The following FARP1 variants were observed in gnomAD, a reference collection of about 807,000 sequenced individuals.
FARP1 encodes FERM, ARH/RhoGEF and pleckstrin domain protein 1, also known as FERM, ARHGEF and pleckstrin domain-containing protein 1.
In FARP1, 52 loss-of-function variants were observed where a neutral mutation model predicts 128.8. The observed-to-expected ratio is 0.40, with a 90% CI of 0.32 to 0.51. The LOEUF is 0.51. Ranked by LOEUF, FARP1 falls within the 20% of genes least tolerant of loss-of-function variation. The pLI, the probability that FARP1 is intolerant of heterozygous loss-of-function variation, is 0.45. For synonymous variants in FARP1, 580 were observed against 551.8 expected, an observed-to-expected ratio of 1.05 and a Z score of -0.72; for missense variants, 1,333 against 1,367.9, an observed-to-expected ratio of 0.97 and a Z score of 0.40.
At chr13:98,259,296 ACT>A (rs754631251) in intron 2 of FARP1, among the ~76,000 whole-genome samples, 34 of 149,146 alleles carry the variant, frequency 2.3e-4, no homozygotes, top group Admixed American at 1.5e-3. Context: ...TATATATAAT[ACT>A]CTCTATATAG....
intron 5 of FARP1, among the ~76,000 whole-genome samples, chr13:98,368,812 C>G (rs576770559): frequency 6.6e-6 from 1 of 152,268 alleles, no homozygotes; most frequent in South Asian, 2.1e-4. Context: ...TAAATGGTAA[C>G]TATCAACACC....
chr13:98,245,702 T>C (rs939459009), intron 2 of FARP1, among the ~76,000 whole-genome samples: 2 of 152,194 alleles, frequency 1.3e-5, no homozygotes, highest in Non-Finnish European at 2.9e-5. Flanking sequence ...CATGGTTACT[T>C]ACAGTAACAA....
intron 1 of FARP1, among the ~76,000 whole-genome samples, chr13:98,152,788 C>G (rs1876106179): frequency 6.6e-6 from 1 of 152,104 alleles, no homozygotes; most frequent in African/African-American, 2.4e-5. Context: ...AAAGTCATAT[C>G]AAATCACTGT....
chr13:98,297,783 C>T (rs1319100001), intron 2 of FARP1, among the ~76,000 whole-genome samples: 1 of 152,206 alleles, frequency 6.6e-6, no homozygotes, highest in Non-Finnish European at 1.5e-5. Context: ...CACCGCTTCA[C>T]CCCCACCAAT....
chr13:98,283,366 T>C (rs949202509), intron 2 of FARP1, among the ~76,000 whole-genome samples: 2 of 152,226 alleles, frequency 1.3e-5, no homozygotes, highest in South Asian at 2.1e-4. Context: ...AACAGTAGAA[T>C]GCAAGAGGCT....
At chr13:98,296,146 C>T (rs1258733531) in intron 2 of FARP1, among the ~76,000 whole-genome samples, 1 of 152,122 alleles carries the variant, frequency 6.6e-6, no homozygotes, top group African/African-American at 2.4e-5. Context: ...GGAGCATGTC[C>T]TGGTTTGAGA....
chr13:98,448,282 C>G lies in FARP1; in HGVS notation c.3103C>G (p.His1035Asp), dbSNP rs1892987656. Residue 1035 changes from histidine to aspartate, a missense_variant, in exon 27 of 27, where the codon CAC (histidine) becomes GAC (aspartate). By Grantham distance (81) the His-to-Asp change is moderately conservative. Coordinates refer to ENST00000319562, the MANE Select transcript of FARP1 (RefSeq NM_005766.4). ...TGCCACCAGCTCTGCCTCGCGACCCCACGTGTTGAGTCACAAAGAGTCTCT... is the reference window on the plus strand; with the variant it reads ...TGCCACCAGCTCTGCCTCGCGACCCGACGTGTTGAGTCACAAAGAGTCTCT... ...RSATSSASRP[H>D]VLSHKESLVY The G allele has an allele frequency of 6.2e-7, 1 of 1,614,042 alleles. No individual in the cohort carries two copies. Among genetic ancestry groups the G allele is most frequent in the Non-Finnish European group, 8.5e-7 (1 of 1,179,980 alleles).
At chr13:98,217,874 C>T (rs914610499) in intron 2 of FARP1, among the ~76,000 whole-genome samples, 5 of 152,252 alleles carry the variant, frequency 3.3e-5, no homozygotes, top group African/African-American at 1.2e-4. Flanking sequence ...CAGTTCTGCT[C>T]GGTCGTTTAA....
chr13:98,368,666 C>T (rs988246997), intron 5 of FARP1, among the ~76,000 whole-genome samples: 4 of 152,186 alleles, frequency 2.6e-5, no homozygotes, highest in African/African-American at 9.7e-5. Flanking sequence ...CTTGCTGTGA[C>T]GGGCCAGTTA....
intron 3 of FARP1, among the ~76,000 whole-genome samples, chr13:98,359,168 C>T (rs1304201446): frequency 6.6e-6 from 1 of 152,146 alleles, no homozygotes; most frequent in Non-Finnish European, 1.5e-5. Context: ...GACTTGATGT[C>T]AGATTCAAGC....
chr13:98,269,804 T>A (rs1884300516), intron 2 of FARP1, among the ~76,000 whole-genome samples: 5 of 152,184 alleles, frequency 3.3e-5, no homozygotes, highest in Admixed American at 3.3e-4. Context: ...AGAATAAAAT[T>A]CAGTTGTTAT....
intron 13 of FARP1, chr13:98,401,746 A>C (rs1304724978): frequency 6.6e-6 from 1 of 152,002 alleles, no homozygotes; most frequent in African/African-American, 2.4e-5. Flanking sequence ...TTTTTTATTT[A>C]ACCCCTAGTG....
At chr13:98,235,327 A>G (rs1401244111) in intron 2 of FARP1, among the ~76,000 whole-genome samples, 2 of 152,170 alleles carry the variant, frequency 1.3e-5, no homozygotes, top group Non-Finnish European at 2.9e-5. Context: ...ACACAAATCA[A>G]AAGTCTCAAA....
rs1428260949 is a variant in FARP1 at position 98,451,935 on chromosome 13, C to T, written c.*3618C>T. On this transcript the variant is annotated 3_prime_UTR_variant, in exon 27 of 27. Coordinates refer to ENST00000319562, the MANE Select transcript of FARP1 (RefSeq NM_005766.4). ...GGTCCCCGGCAACCGCTACAGCAAT[C>T]GCACAGATCAGCAACCTCCAACTGC... 3 of 152,296 alleles carry T rather than the reference C, an allele frequency of 2.0e-5. No individual in the cohort carries two copies. The highest frequency in any genetic ancestry group is 1.9e-4 in the East Asian group (1 of 5,182). The allele number at this position is 152,296 out of a possible 1,614,324, so 9.4% of individuals were successfully genotyped here. A position where few individuals can be genotyped will look rare whatever the true frequency, so the allele number is the denominator to read the frequency against.
intron 1 of FARP1, among the ~76,000 whole-genome samples, chr13:98,201,456 CAG>C (rs1879939311): frequency 6.6e-6 from 1 of 152,158 alleles, no homozygotes; most frequent in African/African-American, 2.4e-5. Context: ...CTCAAAGAAA[CAG>C]AACGGCAAAA....
At chr13:98,148,884 TCTTTTA>T (rs1247931192) in intron 1 of FARP1, among the ~76,000 whole-genome samples, 1 of 151,902 alleles carries the variant, frequency 6.6e-6, no homozygotes, top group Non-Finnish European at 1.5e-5. Flanking sequence ...ATTTCTTCTC[TCTTTTA>T]CTTTTTTTTT....
Position 98,385,781 on chromosome 13 carries a change from G to A in FARP1, c.726G>A (p.Leu242=). 6.2e-7 allele frequency: 1 copy of A among 1,614,174 alleles called. No homozygotes were observed. Among genetic ancestry groups the A allele is most frequent in the Non-Finnish European group, 8.5e-7 (1 of 1,180,030 alleles). Residue 242 remains leucine (L), a synonymous_variant, in exon 8 of 27, where the codon CTG becomes CTA. Coordinates refer to ENST00000319562, the MANE Select transcript of FARP1 (RefSeq NM_005766.4). ...AKDREGTKIN[L]AVANTGILVF... is the part of the protein sequence containing the mutation. Reference sequence around the variant, plus strand: ...ACAGGGAAGGCACGAAGATCAATCTGGCCGTTGCCAACACGGGAATTCTAG... The same window carrying A: ...ACAGGGAAGGCACGAAGATCAATCTAGCCGTTGCCAACACGGGAATTCTAG...
At chr13:98,421,751 G>A (rs528985537) in intron 16 of FARP1, among the ~76,000 whole-genome samples, 4 of 152,136 alleles carry the variant, frequency 2.6e-5, no homozygotes, top group Non-Finnish European at 5.9e-5. Context: ...TACTCAGGAG[G>A]CTGAGGCAGG....
intron 2 of FARP1, among the ~76,000 whole-genome samples, chr13:98,268,139 T>C (rs9584790): frequency 0.42 from 63,920 of 151,790 alleles, 14,166 homozygotes; most frequent in African/African-American, 0.55. Flanking sequence ...TTTGGGGACA[T>C]GTGAAAATGA....
Sources: allele counts gnomAD v4.1 joint callset (sites outside exome capture counted in the v4.1 genomes callset), GRCh38; gene constraint gnomAD v4.1.1; transcripts MANE v1.5; gene names NCBI Gene and HGNC (gene_info 2026-07-23, HGNC 2026-07-21).